The following PTPRT variants were observed in gnomAD, a reference collection of about 807,000 sequenced individuals.
PTPRT encodes receptor-type tyrosine-protein phosphatase T.
PTPRT carries 56 observed loss-of-function variants against 176.8 expected under a neutral mutation model. The ratio of observed to expected loss-of-function variants is 0.32; its 90% CI spans 0.26 to 0.40. The LOEUF is 0.40. PTPRT is among the 10% of genes least tolerant of loss of function. PTPRT has a pLI of 1.00. For synonymous variants in PTPRT, 783 were observed against 739.0 expected (o/e 1.06, Z -0.96); for missense variants, 1,540 against 1,908.2 (o/e 0.81, Z 3.60).
At chr20:42,133,924 G>A (rs969478175) in intron 18 of PTPRT, among the ~76,000 whole-genome samples, 8 of 152,176 alleles carry the variant, frequency 5.3e-5, no homozygotes, top group Non-Finnish European at 1.0e-4. Flanking sequence ...TGTGAGGCAG[G>A]CAGTGAGCTA....
At chr20:42,698,313 T>A (rs2075915853) in intron 6 of PTPRT, among the ~76,000 whole-genome samples, 1 of 152,138 alleles carries the variant, frequency 6.6e-6, no homozygotes, top group Non-Finnish European at 1.5e-5. Flanking sequence ...AAGCATAAAC[T>A]GGGCCTCTCT....
chr20:42,834,334 T>C (rs749585482), intron 2 of PTPRT, among the ~76,000 whole-genome samples: 3 of 151,958 alleles, frequency 2.0e-5, no homozygotes, highest in Non-Finnish European at 4.4e-5. Context: ...GGAGCTAAAA[T>C]TTAAAACAAA....
chr20:42,388,669 C>T (rs1329699063), intron 9 of PTPRT, among the ~76,000 whole-genome samples: 1 of 152,200 alleles, frequency 6.6e-6, no homozygotes, highest in African/African-American at 2.4e-5. Context: ...CACTTTTACA[C>T]GTTGGTGGGA....
intron 15 of PTPRT, among the ~76,000 whole-genome samples, chr20:42,207,185 A>G (rs569832999): frequency 3.8e-4 from 58 of 152,226 alleles, no homozygotes; most frequent in African/African-American, 1.4e-3. Flanking sequence ...AACCACAAAG[A>G]TGGGGAAAAA....
intron 1 of PTPRT, among the ~76,000 whole-genome samples, chr20:42,898,206 C>A (rs1017666369): frequency 6.6e-6 from 1 of 152,074 alleles, no homozygotes; most frequent in Non-Finnish European, 1.5e-5. Context: ...TCTCCGAGAA[C>A]CTTTTTGTTG....
At chr20:42,049,891 A>G in the PTPRT span, among the ~76,000 whole-genome samples, 1 of 152,184 alleles carries the variant, frequency 6.6e-6, no homozygotes, top group Non-Finnish European at 1.5e-5. Context: ...GGGAGGCAAG[A>G]GCAGAGCTCA....
At chr20:42,159,574 T>C (rs573594355) in intron 17 of PTPRT, among the ~76,000 whole-genome samples, 5 of 151,574 alleles carry the variant, frequency 3.3e-5, no homozygotes, top group Admixed American at 2.0e-4. Flanking sequence ...CCCTAGGAAA[T>C]GAGATCCAGG....
At chr20:42,931,652 C>T (rs1210256072) in intron 1 of PTPRT, among the ~76,000 whole-genome samples, 3 of 152,142 alleles carry the variant, frequency 2.0e-5, no homozygotes, top group South Asian at 2.1e-4. Flanking sequence ...AGAGAGGGAG[C>T]GGGTGAGCAT....
At chr20:43,184,236 G>C (rs2015333807) in intron 1 of PTPRT, among the ~76,000 whole-genome samples, 1 of 152,192 alleles carries the variant, frequency 6.6e-6, no homozygotes, top group Non-Finnish European at 1.5e-5. Flanking sequence ...CCTGGCTTCA[G>C]TGTGAGAAAA....
intron 11 of PTPRT, among the ~76,000 whole-genome samples, chr20:42,322,929 C>T (rs1308665243): frequency 2.0e-5 from 3 of 151,860 alleles, no homozygotes; most frequent in Non-Finnish European, 4.4e-5. Context: ...AACTAACAAC[C>T]CCATCAAAAA....
At chr20:42,580,688 T>C (rs993366172) in intron 7 of PTPRT, among the ~76,000 whole-genome samples, 3 of 152,206 alleles carry the variant, frequency 2.0e-5, no homozygotes, top group Middle Eastern at 3.2e-3. Flanking sequence ...AATTCACTCA[T>C]GATTTGGCTC....
At chr20:43,005,845 G>A (rs766092673) in intron 1 of PTPRT, among the ~76,000 whole-genome samples, 4 of 152,088 alleles carry the variant, frequency 2.6e-5, no homozygotes, top group Non-Finnish European at 1.5e-5. Flanking sequence ...ATAATCACAA[G>A]AAGTACACAA....
intron 6 of PTPRT, among the ~76,000 whole-genome samples, chr20:42,715,633 T>C (rs2076211439): frequency 6.6e-6 from 1 of 152,046 alleles, no homozygotes; most frequent in Admixed American, 6.5e-5. Flanking sequence ...ACACAAATAT[T>C]AAAAAATAAA....
intron 7 of PTPRT, among the ~76,000 whole-genome samples, chr20:42,576,973 T>C (rs75450710): frequency 0.052 from 7,966 of 152,094 alleles, 243 homozygotes; most frequent in Middle Eastern, 0.11. Context: ...AATGCTATCA[T>C]AAATGAATGG....
chr20:42,789,043 T>C (rs939410664), intron 3 of PTPRT, among the ~76,000 whole-genome samples: 8 of 152,272 alleles, frequency 5.3e-5, no homozygotes, highest in Admixed American at 2.0e-4. Context: ...CACTTAAGAA[T>C]GTTTGGAACA....
intron 7 of PTPRT, among the ~76,000 whole-genome samples, chr20:42,619,244 T>C (rs2074141568): frequency 7.0e-6 from 1 of 143,240 alleles, no homozygotes; most frequent in Non-Finnish European, 1.5e-5. Flanking sequence ...AAAATTCTTT[T>C]CTTTAAGAAT....
chr20:42,968,993 G>T (rs939899361), intron 1 of PTPRT: 2 of 152,202 alleles, frequency 1.3e-5, no homozygotes, highest in Non-Finnish European at 2.9e-5. Context: ...GCCTGAAAAT[G>T]ACTGATAGGA....
At chr20:42,915,356 T>C (rs1376294735) in intron 1 of PTPRT, among the ~76,000 whole-genome samples, 2 of 152,210 alleles carry the variant, frequency 1.3e-5, no homozygotes, top group Non-Finnish European at 2.9e-5. Context: ...TGTGGGTCCC[T>C]CCCTGACAGT....
At chr20:42,600,249 C>G (rs1254103158) in intron 7 of PTPRT, among the ~76,000 whole-genome samples, 1 of 152,140 alleles carries the variant, frequency 6.6e-6, no homozygotes, top group African/African-American at 2.4e-5. Flanking sequence ...ATGCAATTCC[C>G]TTTCCTCAGC....
Sources: gnomAD v4.1 joint callset for allele counts (sites outside exome capture counted in the v4.1 genomes callset) on GRCh38, gnomAD v4.1.1 for gene constraint, MANE v1.5 for transcripts, NCBI Gene and HGNC (gene_info 2026-07-23, HGNC 2026-07-21) for gene names.